RPS6KC1: variants seen among roughly 807,000 people sequenced by gnomAD.
The protein encoded by RPS6KC1 is ribosomal protein S6 kinase C1.
In RPS6KC1, 54 loss-of-function variants were observed where a neutral mutation model predicts 103.8. The ratio of observed to expected loss-of-function variants is 0.52; its 90% CI spans 0.42 to 0.65. The LOEUF is 0.65. Among genes scored for constraint, RPS6KC1 ranks in the 30% least tolerant of loss-of-function variants. RPS6KC1 has a pLI of 0.00. For synonymous variants in RPS6KC1, 439 were observed against 438.7 expected (o/e 1.00, Z -0.01); for missense variants, 1,151 against 1,253.8 (o/e 0.92, Z 1.24).
chr1:213,411,144 C>T, the RPS6KC1 span, among the ~76,000 whole-genome samples: 1 of 152,194 alleles, frequency 6.6e-6, no homozygotes, highest in African/African-American at 2.4e-5. Flanking sequence ...CCACCCTGCT[C>T]ATTCACTTGT....
intron 12 of RPS6KC1, among the ~76,000 whole-genome samples, chr1:213,244,209 A>C (rs980876952): frequency 8.6e-5 from 13 of 151,812 alleles, no homozygotes; most frequent in Non-Finnish European, 1.5e-4. Context: ...AAAAAAAAAA[A>C]CCAGATCCTC....
At chr1:213,722,914 C>A in the RPS6KC1 span, among the ~76,000 whole-genome samples, 5 of 152,212 alleles carry the variant, frequency 3.3e-5, no homozygotes, top group Non-Finnish European at 7.3e-5. Context: ...CAAGGTGGCT[C>A]ATGCCAGTAA....
the RPS6KC1 span, among the ~76,000 whole-genome samples, chr1:213,328,239 G>T: frequency 9.2e-5 from 14 of 151,948 alleles, no homozygotes; most frequent in Middle Eastern, 3.4e-3. Context: ...GCTGCCTAAG[G>T]TCCTGTCACA....
the RPS6KC1 span, among the ~76,000 whole-genome samples, chr1:213,296,855 CTT>C: frequency 6.6e-6 from 1 of 152,044 alleles, no homozygotes; most frequent in African/African-American, 2.4e-5. Flanking sequence ...ATTTTTAGTT[CTT>C]TTAGAGTTTT....
rs1186089935 is a variant in RPS6KC1, at chr1:213,171,834, A to G, written c.951+3861A>G. ...CCTAGTGCGGCTCAGGAGACGGGGT[A>G]TTAGGGTTGGTAGATTGCCCGTGAA... On this transcript the variant is annotated intron_variant, in intron 7 of 14. Transcript: ENST00000366960. Among the ~76,000 whole-genome samples, 3 of 152,140 alleles carry G rather than the reference A, an allele frequency of 2.0e-5. No homozygotes were observed. In the East Asian group the frequency reaches 5.8e-4, roughly 29 times the overall value.
At chr1:213,579,518 T>C in the RPS6KC1 span, among the ~76,000 whole-genome samples, 5 of 152,206 alleles carry the variant, frequency 3.3e-5, no homozygotes, top group African/African-American at 1.2e-4. Flanking sequence ...CTGAGATAAA[T>C]GATGAAGGGG....
the RPS6KC1 span, among the ~76,000 whole-genome samples, chr1:213,737,929 T>G: frequency 6.6e-6 from 1 of 152,224 alleles, no homozygotes; most frequent in African/African-American, 2.4e-5. Flanking sequence ...ACAGTTTGAT[T>G]TGCTTCAGCA....
At chr1:213,808,670 G>C in the RPS6KC1 span, among the ~76,000 whole-genome samples, 1 of 152,216 alleles carries the variant, frequency 6.6e-6, no homozygotes, top group Admixed American at 6.5e-5. Flanking sequence ...CGATTTTCCA[G>C]GTGCCATCTG....
At chr1:213,721,745 T>G in the RPS6KC1 span, among the ~76,000 whole-genome samples, 1 of 151,970 alleles carries the variant, frequency 6.6e-6, no homozygotes, top group East Asian at 1.9e-4. Flanking sequence ...CCCAAGAGAG[T>G]TCTCATATAG....
the RPS6KC1 span, among the ~76,000 whole-genome samples, chr1:213,585,961 T>G: frequency 6.6e-6 from 1 of 152,150 alleles, no homozygotes; most frequent in African/African-American, 2.4e-5. Context: ...GGTCCCACCA[T>G]CAGAATATGA....
the RPS6KC1 span, among the ~76,000 whole-genome samples, chr1:213,520,612 C>T: frequency 2.0e-5 from 3 of 152,078 alleles, no homozygotes; most frequent in African/African-American, 2.4e-5. Context: ...TCCCTCGTTT[C>T]CTTCCTTTAT....
intron 3 of RPS6KC1, among the ~76,000 whole-genome samples, chr1:213,089,173 A>G (rs889650126): frequency 3.9e-5 from 6 of 152,218 alleles, no homozygotes; most frequent in Non-Finnish European, 8.8e-5. Flanking sequence ...GGTCAATAGC[A>G]ATAGAACCAT....
chr1:213,518,855 G>T, the RPS6KC1 span, among the ~76,000 whole-genome samples: 1 of 152,146 alleles, frequency 6.6e-6, no homozygotes, highest in Non-Finnish European at 1.5e-5. Context: ...TATCCATGTG[G>T]GGCTGTAGAA....
chr1:213,533,255 G>A, the RPS6KC1 span, among the ~76,000 whole-genome samples: 1 of 152,270 alleles, frequency 6.6e-6, no homozygotes, highest in African/African-American at 2.4e-5. Flanking sequence ...CCTTCACTAG[G>A]ATGCACTGAT....
At chr1:213,829,754 T>C in the RPS6KC1 span, among the ~76,000 whole-genome samples, 1 of 151,988 alleles carries the variant, frequency 6.6e-6, no homozygotes, top group African/African-American at 2.4e-5. Flanking sequence ...AGACACCCCC[T>C]CCCCCAAAAA....
the RPS6KC1 span, among the ~76,000 whole-genome samples, chr1:213,375,126 TACAC>T: frequency 1.3e-5 from 2 of 151,482 alleles, no homozygotes; most frequent in South Asian, 4.2e-4. Context: ...TATATACACA[TACAC>T]ATATATACAC....
chr1:213,688,214 G>A, the RPS6KC1 span, among the ~76,000 whole-genome samples: 1 of 152,112 alleles, frequency 6.6e-6, no homozygotes. Context: ...CCTCCGTCTC[G>A]GTCTGAGTCC....
chr1:213,500,448 A>G, the RPS6KC1 span, among the ~76,000 whole-genome samples: 2 of 152,222 alleles, frequency 1.3e-5, no homozygotes, highest in Non-Finnish European at 2.9e-5. Context: ...AAAATTATAT[A>G]TAAGTAGAAG....
Position 213,097,811 on chromosome 1 carries a change from G to A in RPS6KC1, c.263-6643G>A, listed in dbSNP as rs144358074. On this transcript the variant is annotated intron_variant, in intron 3 of 14. Coordinates refer to ENST00000366960, the MANE Select transcript of RPS6KC1 (RefSeq NM_012424.6). ...GCTTCACCTTGCACTTTTATGTTAC[G>A]GTGATGGCTTCATTCCTTAAACCTC... Among the ~76,000 whole-genome samples the A allele has an allele frequency of 1.2e-3, 183 of 152,234 alleles. 3 individuals carry two copies. In the East Asian group the frequency reaches 0.028, roughly 23 times the overall value.
Sources: allele counts gnomAD v4.1 joint callset (sites outside exome capture counted in the v4.1 genomes callset), GRCh38; gene constraint gnomAD v4.1.1; transcripts MANE v1.5; gene names NCBI Gene and HGNC (gene_info 2026-07-23, HGNC 2026-07-21).